Variants in TRAPPC6A observed in about 807,000 individuals in gnomAD.
The protein encoded by TRAPPC6A is trafficking protein particle complex subunit 6A.
In TRAPPC6A, 25 loss-of-function variants were observed where a neutral mutation model predicts 20.8. The observed-to-expected ratio is 1.20, with a 90% CI of 0.88 to 1.68. The LOEUF (loss-of-function observed/expected upper bound fraction) is 1.68. Among genes scored for constraint, TRAPPC6A ranks in the 40% most tolerant of loss-of-function variants. The pLI is 0.00. For missense variants in TRAPPC6A, 215 were observed against 211.6 expected (o/e 1.02, Z -0.10); for synonymous variants, 96 against 93.3 (o/e 1.03, Z -0.16).
In TRAPPC6A at chr19:45,165,238, C is replaced by T. The variant is rs201644150; in HGVS notation, c.85-44G>A. ...GATGCTCAGGGGCCCTTAGCCACCA[C>T]GAACCCGGGGCCACCCAGGGGGGGA... is the stretch of plus-strand genomic sequence containing the variant. On this transcript the variant is annotated intron_variant, in intron 1 of 5. Transcript: ENST00000585934. 1.2e-5 allele frequency: 19 copies of T among 1,554,838 alleles called. No individual in the cohort carries two copies. The Admixed American group carries it at 1.9e-4, about 16-fold the overall frequency.
chr19:45,173,304 G>T lies in TRAPPC6A; in HGVS notation c.84+4831C>A, dbSNP rs1969302695. Among the ~76,000 whole-genome samples the T allele has an allele frequency of 6.6e-6, 1 of 151,722 alleles. No individual in the cohort carries two copies. Among genetic ancestry groups the T allele is most frequent in the African/African-American group, 2.4e-5 (1 of 41,210 alleles). ...GTTCACAACCTGTGACAGCCCAGGAGAATGGCCACAAATAACCACCGTACC... is the reference window on the plus strand; with the variant it reads ...GTTCACAACCTGTGACAGCCCAGGATAATGGCCACAAATAACCACCGTACC... On this transcript the variant is annotated intron_variant, in intron 1 of 5. Transcript: ENST00000585934. The surrounding 1 kb of genome is among the most constrained non-coding windows in gnomAD (Gnocchi z 4.8).
chr19:45,176,675 G>A (rs952388594), intron 1 of TRAPPC6A, among the ~76,000 whole-genome samples: 6 of 151,246 alleles, frequency 4.0e-5, no homozygotes, highest in African/African-American at 1.5e-4. Context: ...TCTGTATATC[G>A]AGATGGTAAC....
At chr19:45,171,834 G>A (rs1301018656) in intron 1 of TRAPPC6A, among the ~76,000 whole-genome samples, 1 of 152,194 alleles carries the variant, frequency 6.6e-6, no homozygotes, top group African/African-American at 2.4e-5. Flanking sequence ...TGAAGCCAAG[G>A]GGTTGAGCTC....
intron 1 of TRAPPC6A, among the ~76,000 whole-genome samples, chr19:45,165,882 G>A (rs1969141669): frequency 6.6e-6 from 1 of 152,062 alleles, no homozygotes; most frequent in South Asian, 2.1e-4. Flanking sequence ...GTGTGTGGAG[G>A]GCATGGCTGG....
In TRAPPC6A at chr19:45,164,864, T is replaced by C. The variant is rs1253187303; in HGVS notation, c.259A>G (p.Thr87Ala). ...VFQKQMDSLR[T>A]NHQGTYVLQD... ...CGGGGTGCTCCCACCTGGTGATTGG[T>C]GCGCAGGCTGTCCATCTGCTTCTGG... The change falls in exon 3 of 6, where the codon ACC (threonine) becomes GCC (alanine). Residue 87 changes from threonine to alanine, a missense_variant. Coordinates refer to ENST00000585934, the MANE Select transcript of TRAPPC6A (RefSeq NM_001270891.2). The C allele has an allele frequency of 2.5e-6, 4 of 1,613,958 alleles. No homozygotes were observed. The highest frequency in any genetic ancestry group is 3.4e-6 in the Non-Finnish European group (4 of 1,179,918).
rs903186247 is a variant in TRAPPC6A, at chr19:45,163,407, G to C, written c.449-184C>G. On this transcript the variant is annotated intron_variant, in intron 5 of 5. Transcript: ENST00000585934. The surrounding 1 kb of genome is among the most constrained non-coding windows in gnomAD (Gnocchi z 5.3). ...AGTAACCAGGAGCATGAGGGCCACG[G>C]ATGTGGCCCCAGGGAAGCGCCCGGC... 3.9e-5 allele frequency among the ~76,000 whole-genome samples: 6 copies of C among 152,180 alleles called. No individual in the cohort carries two copies. The highest frequency in any genetic ancestry group is 7.2e-5 in the African/African-American group (3 of 41,452).
intron 4 of TRAPPC6A, 47 bp from the exon 5 acceptor site, chr19:45,164,056 A>G: frequency 6.4e-7 from 1 of 1,552,412 alleles, no homozygotes; most frequent in East Asian, 2.4e-5. Context: ...GGAGGCCAGC[A>G]CCCGAGGTCT....
At chr19:45,174,942 A>C (rs1261741896) in intron 1 of TRAPPC6A, among the ~76,000 whole-genome samples, 2 of 148,792 alleles carry the variant, frequency 1.3e-5, no homozygotes, top group Non-Finnish European at 3.0e-5. Flanking sequence ...AACACATTGA[A>C]ACCCCGTCTC....
rs1046183300 is a variant in TRAPPC6A, at chr19:45,172,791, C to A, written c.84+5344G>T. 1.3e-5 allele frequency among the ~76,000 whole-genome samples: 2 copies of A among 151,746 alleles called. No homozygotes were observed. The highest frequency in any genetic ancestry group is 4.9e-5 in the African/African-American group (2 of 41,016). On this transcript the variant is annotated intron_variant, in intron 1 of 5. Transcript: ENST00000585934. The surrounding 1 kb of genome is among the most constrained non-coding windows in gnomAD (Gnocchi z 4.2). Reference sequence around the variant, plus strand: ...AGCGGGGCCCTTCCCAGGCCAATCTCCATCCAGTCCATTCCTGTGGCCAGG... The same window carrying A: ...AGCGGGGCCCTTCCCAGGCCAATCTACATCCAGTCCATTCCTGTGGCCAGG...
At chr19:45,170,221 T>C (rs1039399778) in intron 1 of TRAPPC6A, among the ~76,000 whole-genome samples, 10 of 152,192 alleles carry the variant, frequency 6.6e-5, no homozygotes, top group African/African-American at 2.4e-4. Flanking sequence ...GCAGGCCACG[T>C]TGCCTGAATG....
chr19:45,163,893 T>A lies in TRAPPC6A; in HGVS notation c.448+23A>T, dbSNP rs1425588371. 2 of 1,541,906 alleles carry A rather than the reference T, an allele frequency of 1.3e-6. No homozygotes were observed. The highest frequency in any genetic ancestry group is 2.7e-5 in the African/African-American group (2 of 72,804). The stretch of plus-strand genomic sequence containing the variant: ...CCAGCAACTCAAGGGATGAGAAGAA[T>A]CCCCCCACCCCCCATGACTCACAGA... On this transcript the variant is annotated intron_variant, in intron 5 of 5. Coordinates refer to ENST00000585934, the MANE Select transcript of TRAPPC6A (RefSeq NM_001270891.2). This position sits in a 1 kb window ranked among gnomAD's most constrained non-coding sequence, Gnocchi z 5.3.
rs572096487 is a variant in TRAPPC6A at position 45,168,865 on chromosome 19, C to G, written c.85-3671G>C. Among the ~76,000 whole-genome samples, 4 of 152,308 alleles carry G rather than the reference C, an allele frequency of 2.6e-5. No homozygotes were observed. The East Asian group carries it at 7.7e-4, about 29-fold the overall frequency. Reference sequence around the variant, plus strand: ...TGACAGCCATGGCTGTTGAGGGCCTCACGGAGGTGAGGAGCGCTGGGAATG... The same window carrying G: ...TGACAGCCATGGCTGTTGAGGGCCTGACGGAGGTGAGGAGCGCTGGGAATG... On this transcript the variant is annotated intron_variant, in intron 1 of 5. Transcript: ENST00000585934.
rs1969295352 is a variant in TRAPPC6A, at chr19:45,172,942, T to C, written c.84+5193A>G. ...CCTCGCTGGAGCTCCCAGCCACAGATGCTCAGGACGGTGTTCCGGGCAGGG... is the reference window on the plus strand; with the variant it reads ...CCTCGCTGGAGCTCCCAGCCACAGACGCTCAGGACGGTGTTCCGGGCAGGG... On this transcript the variant is annotated intron_variant, in intron 1 of 5. Coordinates refer to ENST00000585934, the MANE Select transcript of TRAPPC6A (RefSeq NM_001270891.2). This position sits in a 1 kb window ranked among gnomAD's most constrained non-coding sequence, Gnocchi z 4.2. Among the ~76,000 whole-genome samples the C allele has an allele frequency of 6.6e-6, 1 of 151,652 alleles. No homozygotes were observed. Among genetic ancestry groups the C allele is most frequent in the Non-Finnish European group, 1.5e-5 (1 of 68,026 alleles).
In TRAPPC6A at chr19:45,164,245, C is replaced by A; in HGVS notation, c.273G>T (p.Gly91=). The change falls in exon 4 of 6, where the codon GGG becomes GGT. Residue 91 remains glycine, a splice_region_variant and synonymous_variant. Transcript: ENST00000585934. ...AGCTGTTGTCTTGCAGGACGTAGGT[C>A]CCCTGGGGGAGAGGAGAGGCTGGTG... ...QMDSLRTNHQ[G]TYVLQDNSFP... 1 of 1,600,564 alleles carries A rather than the reference C, an allele frequency of 6.2e-7. No individual in the cohort carries two copies. The highest frequency in any genetic ancestry group is 1.1e-5 in the South Asian group (1 of 88,780).
rs573563346 is a variant in TRAPPC6A at position 45,163,727 on chromosome 19, A to G, written c.448+189T>C. Among the ~76,000 whole-genome samples, 1 of 152,218 alleles carries G rather than the reference A, an allele frequency of 6.6e-6. No homozygotes were observed. The highest frequency in any genetic ancestry group is 1.9e-4 in the East Asian group (1 of 5,150). ...GAAACGATGTTCAAAACCGCCAGACAGTTCTCTCTGCAGGGCTGGCGACGT... is the reference window on the plus strand; with the variant it reads ...GAAACGATGTTCAAAACCGCCAGACGGTTCTCTCTGCAGGGCTGGCGACGT... On this transcript the variant is annotated intron_variant, in intron 5 of 5. Coordinates refer to ENST00000585934, the MANE Select transcript of TRAPPC6A (RefSeq NM_001270891.2). The surrounding 1 kb of genome is among the most constrained non-coding windows in gnomAD (Gnocchi z 5.3).
intron 3 of TRAPPC6A, 107 bp from the exon 4 acceptor site, chr19:45,164,354 C>T: frequency 1.3e-6 from 1 of 745,276 alleles, no homozygotes; most frequent in Non-Finnish European, 2.2e-6. Flanking sequence ...TTGGGAAGGC[C>T]CCCTTCCTGA....
intron 1 of TRAPPC6A, among the ~76,000 whole-genome samples, chr19:45,174,391 C>T (rs1157844225): frequency 6.6e-6 from 1 of 152,164 alleles, no homozygotes; most frequent in Admixed American, 6.5e-5. Context: ...TTCACCTCCT[C>T]AACACGTCCA....
rs1455657900 is a variant in TRAPPC6A, at chr19:45,164,878, A to C, written c.245T>G (p.Met82Arg). The change falls in exon 3 of 6, where the codon ATG becomes AGG. Residue 82 changes from methionine (M) to arginine (R), a missense_variant. Physicochemically the swap from Met to Arg is moderately conservative, Grantham distance 91 (BLOSUM62 -1). Transcript: ENST00000585934. The stretch of plus-strand genomic sequence containing the variant: ...CTGGTGATTGGTGCGCAGGCTGTCC[A>C]TCTGCTTCTGGAACACCGCCACCCA... ...DLWVAVFQKQMDSLRTNHQGT... is the reference protein window; with the variant it reads ...DLWVAVFQKQRDSLRTNHQGT... 6.2e-7 allele frequency: 1 copy of C among 1,614,078 alleles called. No individual in the cohort carries two copies. Among genetic ancestry groups the C allele is most frequent in the South Asian group, 1.1e-5 (1 of 91,090 alleles).
chr19:45,175,262 A>C (rs1969344280), intron 1 of TRAPPC6A, among the ~76,000 whole-genome samples: 1 of 71,282 alleles, frequency 1.4e-5, no homozygotes, highest in Non-Finnish European at 3.9e-5. Flanking sequence ...CTCTGTCTCA[A>C]AAAAAAAAAA....
Sources: allele counts gnomAD v4.1 joint callset (sites outside exome capture counted in the v4.1 genomes callset), GRCh38; gene constraint gnomAD v4.1.1; non-coding constraint Gnocchi (gnomAD v3.1); transcripts MANE v1.5; gene names NCBI Gene and HGNC (gene_info 2026-07-23, HGNC 2026-07-21).